Variants in CEP170 observed in about 807,000 individuals in gnomAD.
CEP170 encodes the protein centrosomal protein 170.
CEP170 carries 21 observed loss-of-function variants against 151.9 expected under a neutral mutation model. The observed-to-expected ratio is 0.14, with a 90% CI of 0.10 to 0.20. CEP170 has a LOEUF of 0.20. CEP170 is among the 10% of genes least tolerant of loss of function. CEP170 has a pLI of 1.00. For synonymous variants in CEP170, 356 were observed against 648.8 expected (o/e 0.55, Z 6.86); for missense variants, 964 against 1,892.9 (o/e 0.51, Z 9.11).
In CEP170 at chr1:243,139,982, G is replaced by T; in HGVS notation, c.4185C>A (p.Pro1395=). The change falls in exon 16 of 20, where the codon CCC becomes CCA. Residue 1395 remains proline, a synonymous_variant. Transcript: ENST00000366542. ...TCCGCCTTGTAATTGTTAAGTGATC[G>T]GGAGGCTCTGCTGCTTGAGGTCTTG... The part of the protein sequence containing the change: ...GDPRPQAAEP[P]DHLTITRRRT... 1 of 1,613,402 alleles carries T rather than the reference G, an allele frequency of 6.2e-7. No individual in the cohort carries two copies.
At chr1:243,214,055 C>T (rs982015766) in intron 3 of CEP170, among the ~76,000 whole-genome samples, 1 of 152,150 alleles carries the variant, frequency 6.6e-6, no homozygotes, top group South Asian at 2.1e-4. Flanking sequence ...TATTGACAGC[C>T]TTCTTTTTTC....
chr1:243,242,311 C>T (rs372354062), intron 1 of CEP170, among the ~76,000 whole-genome samples: 3 of 152,096 alleles, frequency 2.0e-5, no homozygotes, highest in Non-Finnish European at 4.4e-5. Flanking sequence ...CTCCACCTCC[C>T]GGGTTCACGC....
At chr1:243,141,403 T>C (rs572215831) in intron 15 of CEP170, among the ~76,000 whole-genome samples, 1 of 152,350 alleles carries the variant, frequency 6.6e-6, no homozygotes, top group South Asian at 2.1e-4. Flanking sequence ...TATTTATGAA[T>C]ACCAAAATTT....
chr1:243,195,872 C>T (rs1267457242), intron 7 of CEP170, among the ~76,000 whole-genome samples: 9 of 151,860 alleles, frequency 5.9e-5, no homozygotes, highest in Non-Finnish European at 1.3e-4. Context: ...TATCCTCATA[C>T]TAACATAAGA....
chr1:243,167,552 A>C (rs2058528778), intron 12 of CEP170, among the ~76,000 whole-genome samples: 1 of 151,880 alleles, frequency 6.6e-6, no homozygotes, highest in South Asian at 2.1e-4. Flanking sequence ...GAAAAGGGAA[A>C]CATCTTTTCA....
intron 3 of CEP170, among the ~76,000 whole-genome samples, chr1:243,217,728 A>C (rs1349896284): frequency 1.3e-5 from 2 of 152,218 alleles, no homozygotes; most frequent in African/African-American, 4.8e-5. Context: ...AACTAGATCA[A>C]ATTTTAATAA....
chr1:243,248,942 T>C (rs887628350), intron 1 of CEP170, among the ~76,000 whole-genome samples: 3 of 152,144 alleles, frequency 2.0e-5, no homozygotes, highest in Non-Finnish European at 4.4e-5. Context: ...CTGAGTAGAA[T>C]ACTCTCCACT....
chr1:243,242,954 C>A (rs2065004970), intron 1 of CEP170, among the ~76,000 whole-genome samples: 1 of 152,254 alleles, frequency 6.6e-6, no homozygotes, highest in African/African-American at 2.4e-5. Context: ...CCTGCCTCGG[C>A]CTGCCAAAGT....
rs548459780 is a variant in CEP170, at chr1:243,142,154, T to TA, written c.4059+161dup. The TA allele has an allele frequency of 5.6e-3, 8,103 of 1,443,586 alleles. 36 individuals are homozygous for TA. The highest frequency in any genetic ancestry group is 6.8e-3 in the Non-Finnish European group (7,452 of 1,088,822). 89.4% of individuals were successfully genotyped at this position (1,443,586 alleles called of 1,614,324 possible). A position where few individuals can be genotyped will look rare whatever the true frequency, so the allele number is the denominator to read the frequency against. ...AAATGTTAGCCTTCACTAGTTTTGT[T>TA]ACAAAAACATAAAATAAACTGTTAA... On this transcript the variant is annotated intron_variant, in intron 15 of 19. Coordinates refer to ENST00000366542, the MANE Select transcript of CEP170 (RefSeq NM_014812.3).
intron 7 of CEP170, among the ~76,000 whole-genome samples, chr1:243,196,624 A>G (rs1055756876): frequency 2.0e-5 from 3 of 152,136 alleles, no homozygotes; most frequent in African/African-American, 7.2e-5. Context: ...AAAAATTACT[A>G]TCATACTGAT....
At chr1:243,226,079 A>T (rs2063232617) in intron 1 of CEP170, among the ~76,000 whole-genome samples, 1 of 145,448 alleles carries the variant, frequency 6.9e-6, no homozygotes, top group Non-Finnish European at 1.5e-5. Context: ...CTATATCTAG[A>T]TATAAATATA....
chr1:243,139,792 T>C (rs1254574010), intron 16 of CEP170, 145 bp downstream of exon 16: 7 of 608,428 alleles, frequency 1.2e-5, no homozygotes, highest in African/African-American at 1.1e-4. Flanking sequence ...ATTATTTGTA[T>C]ATGATGTGAT....
chr1:243,248,257 C>A (rs1293423277), intron 1 of CEP170, among the ~76,000 whole-genome samples: 1 of 152,196 alleles, frequency 6.6e-6, no homozygotes, highest in Non-Finnish European at 1.5e-5. Flanking sequence ...CTGATCACTC[C>A]TTATCTCTAA....
At chr1:243,163,827 GTAA>G (rs1275724954) in intron 13 of CEP170, among the ~76,000 whole-genome samples, 1 of 152,242 alleles carries the variant, frequency 6.6e-6, no homozygotes, top group Non-Finnish European at 1.5e-5. Context: ...TCTGAAAGGA[GTAA>G]TAAAGCATAT....
chr1:243,226,922 G>C (rs1278061116), intron 1 of CEP170, among the ~76,000 whole-genome samples: 1 of 152,216 alleles, frequency 6.6e-6, no homozygotes, highest in Non-Finnish European at 1.5e-5. Context: ...CCGGGAGGCA[G>C]AAGTTGCAGT....
At chr1:243,201,966 G>A (rs2061067407) in intron 4 of CEP170, among the ~76,000 whole-genome samples, 1 of 151,748 alleles carries the variant, frequency 6.6e-6, no homozygotes, top group Non-Finnish European at 1.5e-5. Context: ...TATATTTGCT[G>A]GTACATATGG....
intron 15 of CEP170, 111 bp downstream of exon 15, chr1:243,142,205 C>T (rs1212527280): frequency 5.7e-6 from 9 of 1,573,050 alleles, no homozygotes; most frequent in African/African-American, 1.4e-5. Flanking sequence ...TGCAGAGCTT[C>T]ATGCAAACAG....
At chr1:243,150,742 G>A (rs2056988984) in intron 14 of CEP170, among the ~76,000 whole-genome samples, 1 of 152,154 alleles carries the variant, frequency 6.6e-6, no homozygotes, top group Non-Finnish European at 1.5e-5. Context: ...CATAAACCAC[G>A]GTTTTCTCTG....
At position 243,199,151 on chromosome 1, in the gene CEP170, C is replaced by T. The variant is rs756540433; in HGVS notation, c.540G>A (p.Pro180=). The T allele has an allele frequency of 8.5e-5, 137 of 1,611,680 alleles. 1 individual carries two copies. The South Asian group carries it at 1.1e-3, about 13-fold the overall frequency. The part of the protein sequence containing the change: ...MPRGTPLYGQ[P]SWWGDDEVDE... Reference sequence around the variant, plus strand: ...CCACCTCATCATCCCCCCACCATGACGGCTGCCCATATAATGGAGTACCAC... The same window carrying T: ...CCACCTCATCATCCCCCCACCATGATGGCTGCCCATATAATGGAGTACCAC... The change falls in exon 7 of 20, where the codon CCG becomes CCA. Residue 180 remains proline (P), a synonymous_variant. Transcript: ENST00000366542.
Sources: gnomAD v4.1 joint callset for allele counts (sites outside exome capture counted in the v4.1 genomes callset) on GRCh38, gnomAD v4.1.1 for gene constraint, MANE v1.5 for transcripts, NCBI Gene and HGNC (gene_info 2026-07-23, HGNC 2026-07-21) for gene names.